ADAM23: variants seen among roughly 807,000 people sequenced by gnomAD.
The protein encoded by ADAM23 is ADAM metallopeptidase domain 23, also known as disintegrin and metalloproteinase domain-containing protein 23.
In ADAM23, 33 loss-of-function variants were observed where a neutral mutation model predicts 120.1. The ratio of observed to expected loss-of-function variants is 0.27; its 90% CI spans 0.21 to 0.37. The LOEUF (loss-of-function observed/expected upper bound fraction) is 0.37, where lower values mean the gene tolerates loss of function less well. Ranked by LOEUF, ADAM23 falls within the 10% of genes least tolerant of loss-of-function variation. The pLI is 1.00. For synonymous variants in ADAM23, 367 were observed against 375.2 expected, an observed-to-expected ratio of 0.98 and a Z score of 0.25; for missense variants, 862 against 1,058.2, an observed-to-expected ratio of 0.81 and a Z score of 2.57.
chr2:206,571,416 A>C (rs976845332), intron 16 of ADAM23, among the ~76,000 whole-genome samples: 1 of 152,206 alleles, frequency 6.6e-6, no homozygotes, highest in East Asian at 1.9e-4. Flanking sequence ...CGGAGGTTGC[A>C]GTGAGCCAAG....
chr2:206,470,174 C>T (rs1695624579), intron 2 of ADAM23, among the ~76,000 whole-genome samples: 1 of 151,942 alleles, frequency 6.6e-6, no homozygotes, highest in Non-Finnish European at 1.5e-5. Context: ...TAAATGATTT[C>T]ATGTATGATG....
chr2:206,589,511 A>G lies in ADAM23; in HGVS notation c.1955A>G (p.Lys652Arg), dbSNP rs1251281044. ...KDGDRWIQCS[K>R]HDVFCGFLLC... ...GGAGACCGGTGGATTCAGTGCAGCA[A>G]ACAGTGAGTGGTCAGCTCTAAGGGC... The change falls in exon 21 of 26, where the codon AAA becomes AGA. Residue 652 changes from lysine to arginine, a missense_variant. Transcript: ENST00000264377. The G allele has an allele frequency of 3.1e-6, 5 of 1,613,086 alleles. No homozygotes were observed. Among genetic ancestry groups the G allele is most frequent in the Non-Finnish European group, 4.2e-6 (5 of 1,179,426 alleles).
chr2:206,504,237 C>A (rs1696449745), intron 3 of ADAM23, among the ~76,000 whole-genome samples: 1 of 151,952 alleles, frequency 6.6e-6, no homozygotes. Flanking sequence ...TGTAATTTTA[C>A]TTTTTAATAT....
At chr2:206,477,889 A>ATATAT (rs371133867) in intron 2 of ADAM23, among the ~76,000 whole-genome samples, 73 of 54,496 alleles carry the variant, frequency 1.3e-3, no homozygotes, top group Middle Eastern at 9.1e-3. Context: ...TTAAAAAAAA[A>ATATAT]AAAAAAAAAT....
chr2:206,538,020 T>TA (rs1275820621), intron 4 of ADAM23, among the ~76,000 whole-genome samples: 2 of 152,168 alleles, frequency 1.3e-5, no homozygotes, highest in African/African-American at 2.4e-5. Flanking sequence ...AGCACGGGGT[T>TA]AAAAAATGCC....
chr2:206,445,193 G>A (rs1171648876), intron 1 of ADAM23, 114 bp from the exon 2 acceptor site: 1 of 743,326 alleles, frequency 1.3e-6, no homozygotes, highest in East Asian at 2.7e-5. Flanking sequence ...AGAAAACTTT[G>A]TGTTTGAAAT....
chr2:206,504,938 A>G (rs1696465748), intron 3 of ADAM23, among the ~76,000 whole-genome samples: 1 of 152,204 alleles, frequency 6.6e-6, no homozygotes, highest in Non-Finnish European at 1.5e-5. Context: ...TTAAATAGTA[A>G]AGATTAAGTA....
At chr2:206,480,070 T>C (rs1156973234) in intron 2 of ADAM23, among the ~76,000 whole-genome samples, 1 of 151,986 alleles carries the variant, frequency 6.6e-6, no homozygotes, top group Non-Finnish European at 1.5e-5. Flanking sequence ...GTGATATATG[T>C]TGTGGAGCTT....
chr2:206,492,784 T>C (rs1368541510), intron 3 of ADAM23, among the ~76,000 whole-genome samples: 1 of 152,158 alleles, frequency 6.6e-6, no homozygotes, highest in Non-Finnish European at 1.5e-5. Context: ...ACCCCACCTC[T>C]TCATAGGTGG....
rs776928608 is a variant in ADAM23 at position 206,565,039 on chromosome 2, C to T, written c.1365C>T (p.Ser455=). Residue 455 remains serine (S), a synonymous_variant, in exon 14 of 26, where the codon TCC becomes TCT. Coordinates refer to ENST00000264377, the MANE Select transcript of ADAM23 (RefSeq NM_003812.4). ...SRKPKCDCTE[S]WGGCIMEETG... ...GACCAGAATGTGACTGCACAGAATC[C>T]TGGGGTGGCTGCATCATGGAGGAAA... The T allele has an allele frequency of 3.1e-6, 5 of 1,613,980 alleles. No homozygotes were observed. In the South Asian group the frequency reaches 5.5e-5, roughly 18 times the overall value.
intron 2 of ADAM23, among the ~76,000 whole-genome samples, chr2:206,448,525 G>A (rs1375886802): frequency 6.6e-6 from 1 of 152,164 alleles, no homozygotes; most frequent in African/African-American, 2.4e-5. Context: ...CCAATGAGAT[G>A]ATGGGTGGCT....
chr2:206,477,887 A>ATAT (rs1285925261), intron 2 of ADAM23, among the ~76,000 whole-genome samples: 24 of 82,324 alleles, frequency 2.9e-4, no homozygotes, highest in South Asian at 1.6e-3. Flanking sequence ...TGTTAAAAAA[A>ATAT]AAAAAAAAAA....
chr2:206,483,107 G>A (rs900770522), intron 3 of ADAM23, among the ~76,000 whole-genome samples: 1 of 152,290 alleles, frequency 6.6e-6, no homozygotes, highest in Non-Finnish European at 1.5e-5. Flanking sequence ...ATAAACAGAG[G>A]TCCTGTTCTC....
At chr2:206,498,268 A>AACCAAAACAGCATGTTACTGGT (rs1696302608) in intron 3 of ADAM23, among the ~76,000 whole-genome samples, 1 of 152,210 alleles carries the variant, frequency 6.6e-6, no homozygotes, top group African/African-American at 2.4e-5. Flanking sequence ...AGGCTACAGT[A>AACCAAAACAGCATGTTACTGGT]ACCAAAACAG....
At chr2:206,550,228 T>G (rs1195792053) in intron 9 of ADAM23, 68 bp downstream of exon 9, 1 of 941,664 alleles carries the variant, frequency 1.1e-6, no homozygotes, top group African/African-American at 1.7e-5. Context: ...TTTTACTTTA[T>G]AGTTAATCAT....
intron 17 of ADAM23, among the ~76,000 whole-genome samples, chr2:206,572,787 T>C (rs570496009): frequency 6.6e-6 from 1 of 152,348 alleles, no homozygotes; most frequent in Non-Finnish European, 1.5e-5. Flanking sequence ...GTTTATATTA[T>C]AGTGTTTTGC....
At chr2:206,491,753 G>T (rs989162973) in intron 3 of ADAM23, among the ~76,000 whole-genome samples, 1 of 152,110 alleles carries the variant, frequency 6.6e-6, no homozygotes, top group African/African-American at 2.4e-5. Context: ...TCTGATACAA[G>T]AATTTTATCT....
At chr2:206,463,049 G>A (rs1695458434) in intron 2 of ADAM23, among the ~76,000 whole-genome samples, 1 of 152,190 alleles carries the variant, frequency 6.6e-6, no homozygotes, top group Non-Finnish European at 1.5e-5. Flanking sequence ...TTGCAGGGAT[G>A]CAAGTAGATT....
At chr2:206,573,460 ACATTGAAC>A (rs749493635) in intron 18 of ADAM23, among the ~76,000 whole-genome samples, 26 of 152,180 alleles carry the variant, frequency 1.7e-4, no homozygotes, top group Non-Finnish European at 2.6e-4. Context: ...AAGTTTCTGT[ACATTGAAC>A]CATTGAACCC....
Sources: allele counts gnomAD v4.1 joint callset (sites outside exome capture counted in the v4.1 genomes callset), GRCh38; gene constraint gnomAD v4.1.1; transcripts MANE v1.5; gene names NCBI Gene and HGNC (gene_info 2026-07-23, HGNC 2026-07-21).